Variants in WDR27 observed in about 807,000 individuals in gnomAD.
The protein encoded by WDR27 is WD repeat domain 27.
WDR27 carries 100 observed loss-of-function variants against 114.4 expected under a neutral mutation model. The ratio of observed to expected loss-of-function variants is 0.87; its 90% CI spans 0.74 to 1.03. The LOEUF is 1.03. WDR27 is among the 50% of genes least tolerant of loss of function. The pLI is 0.00. For synonymous variants in WDR27, 449 were observed against 423.1 expected, an observed-to-expected ratio of 1.06 and a Z score of -0.75; for missense variants, 1,129 against 1,092.9, an observed-to-expected ratio of 1.03 and a Z score of -0.47.
chr6:169,688,167 G>A lies in WDR27; in HGVS notation c.189+650C>T, dbSNP rs1783520768. On this transcript the variant is annotated intron_variant, in intron 2 of 25. Coordinates refer to ENST00000448612, the MANE Select transcript of WDR27 (RefSeq NM_182552.5). ...ATTTTTATTTTAGCCTTTCAAAAAC[G>A]GCACAGTGGTACCTAATAAATCCTA... 2.6e-5 allele frequency among the ~76,000 whole-genome samples: 4 copies of A among 151,842 alleles called. No individual in the cohort carries two copies. The South Asian group carries it at 8.4e-4, about 32-fold the overall frequency.
At chr6:169,531,407 T>A (rs898846036) in intron 25 of WDR27, among the ~76,000 whole-genome samples, 8 of 152,180 alleles carry the variant, frequency 5.3e-5, no homozygotes, top group Admixed American at 1.3e-4. Context: ...CTGCTTCCAA[T>A]CCATCTGAGG....
At chr6:169,492,302 A>T (rs2997880) in intron 25 of WDR27, among the ~76,000 whole-genome samples, 68,525 of 151,746 alleles carry the variant, frequency 0.45, 18,955 homozygotes, top group Non-Finnish European at 0.63. Context: ...AATATTAAAG[A>T]ATTACCTCAA....
chr6:169,658,832 T>C (rs1282878093), intron 12 of WDR27, among the ~76,000 whole-genome samples: 1 of 152,052 alleles, frequency 6.6e-6, no homozygotes, highest in African/African-American at 2.4e-5. Context: ...TACAGGCGCC[T>C]GCCACCATGC....
chr6:169,450,956 T>C, the WDR27 span, among the ~76,000 whole-genome samples: 10 of 152,076 alleles, frequency 6.6e-5, no homozygotes, highest in Non-Finnish European at 1.2e-4. Context: ...AATAAATCAA[T>C]CACTAAACAA....
At chr6:169,652,036 A>G (rs1584917548) in intron 13 of WDR27, 28 bp from the exon 14 acceptor site, 1 of 1,605,690 alleles carries the variant, frequency 6.2e-7, no homozygotes. Context: ...TAAAGAAGAA[A>G]CAAACACTTA....
intron 15 of WDR27, among the ~76,000 whole-genome samples, chr6:169,648,613 T>C (rs375635690): frequency 6.6e-6 from 1 of 152,362 alleles, no homozygotes; most frequent in South Asian, 2.1e-4. Flanking sequence ...AATGCAGTGA[T>C]TGCAAAGTAG....
chr6:169,513,421 A>G (rs1583891443), intron 25 of WDR27, among the ~76,000 whole-genome samples: 2 of 152,278 alleles, frequency 1.3e-5, no homozygotes, highest in East Asian at 3.9e-4. Flanking sequence ...CTCTCGAGGA[A>G]AGAAGTGTTG....
At chr6:169,535,490 A>G (rs894636453) in intron 25 of WDR27, among the ~76,000 whole-genome samples, 1 of 152,230 alleles carries the variant, frequency 6.6e-6, no homozygotes, top group South Asian at 2.1e-4. Flanking sequence ...TTAACCTATT[A>G]TAAGTCCTTT....
chr6:169,577,859 C>A (rs945190237), intron 24 of WDR27, among the ~76,000 whole-genome samples: 1 of 152,216 alleles, frequency 6.6e-6, no homozygotes, highest in South Asian at 2.1e-4. Context: ...TACCCTCCAA[C>A]TCTTACCCCA....
At chr6:169,611,967 C>T (rs1357877776) in intron 22 of WDR27, among the ~76,000 whole-genome samples, 1 of 151,410 alleles carries the variant, frequency 6.6e-6, no homozygotes, top group Non-Finnish European at 1.5e-5. Context: ...AAAATGCGTT[C>T]TCTACTAAAA....
chr6:169,456,892 C>T (rs1316619830), downstream of WDR27, among the ~76,000 whole-genome samples: 1 of 151,504 alleles, frequency 6.6e-6, no homozygotes, highest in Non-Finnish European at 1.5e-5. The surrounding 1 kb of genome is among the most constrained non-coding windows in gnomAD (Gnocchi z 4.0). Context: ...GCTTACCACA[C>T]AGAACTCATG....
chr6:169,538,964 A>G (rs75669960), intron 25 of WDR27, among the ~76,000 whole-genome samples: 3,132 of 152,326 alleles, frequency 0.021, 69 homozygotes, highest in East Asian at 0.082. Context: ...AAGGAAACAT[A>G]GCTCAGCATA....
At chr6:169,547,510 G>C (rs1037189454) in intron 25 of WDR27, among the ~76,000 whole-genome samples, 2 of 152,152 alleles carry the variant, frequency 1.3e-5, no homozygotes, top group Admixed American at 6.5e-5. Context: ...GGTATGCAAG[G>C]CTGATTCAAC....
At chr6:169,608,191 A>T (rs979983243) in intron 22 of WDR27, among the ~76,000 whole-genome samples, 5 of 152,258 alleles carry the variant, frequency 3.3e-5, no homozygotes, top group Admixed American at 2.6e-4. Context: ...CACTAAAAGC[A>T]GATCTGGCAT....
intron 25 of WDR27, among the ~76,000 whole-genome samples, chr6:169,542,711 T>C (rs1796976269): frequency 6.6e-6 from 1 of 152,214 alleles, no homozygotes. Flanking sequence ...AGGGAATGCA[T>C]ACTAAAGTGT....
chr6:169,587,311 T>A (rs1804850981), intron 23 of WDR27, among the ~76,000 whole-genome samples: 1 of 147,940 alleles, frequency 6.8e-6, no homozygotes, highest in Non-Finnish European at 1.5e-5. Context: ...CTCCACCTCC[T>A]GGGCTCAAGC....
intron 16 of WDR27, among the ~76,000 whole-genome samples, chr6:169,644,936 G>A (rs1287898994): frequency 2.1e-5 from 2 of 96,284 alleles, no homozygotes; most frequent in Non-Finnish European, 3.8e-5. Context: ...GTGAACCCGG[G>A]AGGCGGAGCT....
the WDR27 span, among the ~76,000 whole-genome samples, chr6:169,427,362 G>A: frequency 3.3e-5 from 5 of 152,198 alleles, no homozygotes; most frequent in Non-Finnish European, 2.9e-5. Context: ...CAGGAAGACT[G>A]AGAATCTCCC....
At chr6:169,687,804 A>G (rs1010943640) in intron 2 of WDR27, among the ~76,000 whole-genome samples, 3 of 152,192 alleles carry the variant, frequency 2.0e-5, no homozygotes, top group Admixed American at 1.3e-4. Flanking sequence ...CAGTTTTCAT[A>G]TCCTGAAAAT....
Sources: allele counts gnomAD v4.1 joint callset (sites outside exome capture counted in the v4.1 genomes callset), GRCh38; gene constraint gnomAD v4.1.1; non-coding constraint Gnocchi (gnomAD v3.1); transcripts MANE v1.5; gene names NCBI Gene and HGNC (gene_info 2026-07-23, HGNC 2026-07-21).